RASSF3: variants seen among roughly 807,000 people sequenced by gnomAD.
The protein encoded by RASSF3 is ras association domain-containing protein 3.
RASSF3 carries 19 observed loss-of-function variants against 19.9 expected under a neutral mutation model. The observed-to-expected ratio is 0.96, with a 90% CI of 0.67 to 1.40. RASSF3 has a LOEUF of 1.40. RASSF3 is among the 40% of genes most tolerant of loss of function. RASSF3 has a pLI of 0.00. For synonymous variants in RASSF3, 110 were observed against 104.2 expected, an observed-to-expected ratio of 1.06 and a Z score of -0.34; for missense variants, 306 against 289.8, an observed-to-expected ratio of 1.06 and a Z score of -0.41.
intron 1 of RASSF3, among the ~76,000 whole-genome samples, chr12:64,651,421 T>C (rs1871948928): frequency 6.6e-6 from 1 of 152,178 alleles, no homozygotes; most frequent in African/African-American, 2.4e-5. Flanking sequence ...TGCAGTGGCT[T>C]GATACTGGCT....
chr12:64,634,170 G>A (rs1871252305), intron 1 of RASSF3, among the ~76,000 whole-genome samples: 1 of 152,098 alleles, frequency 6.6e-6, no homozygotes, highest in Non-Finnish European at 1.5e-5. Flanking sequence ...AACTAGTTGA[G>A]ATGTCTATGG....
At chr12:64,515,166 C>T (rs1328402431) in intron 1 of RASSF3, among the ~76,000 whole-genome samples, 1 of 152,104 alleles carries the variant, frequency 6.6e-6, no homozygotes, top group Non-Finnish European at 1.5e-5. Flanking sequence ...AAGCGATTCT[C>T]CTGCCTCAGC....
chr12:64,576,864 A>AC (rs1322299629), intron 2 of RASSF3, among the ~76,000 whole-genome samples: 1 of 151,796 alleles, frequency 6.6e-6, no homozygotes, highest in African/African-American at 2.4e-5. Context: ...AAAAAAAAAA[A>AC]AAAAAACTTG....
At chr12:64,693,126 C>G (rs1868308355) in intron 4 of RASSF3, among the ~76,000 whole-genome samples, 1 of 149,536 alleles carries the variant, frequency 6.7e-6, no homozygotes, top group South Asian at 2.1e-4. Context: ...AAGTTTTGCT[C>G]TCCTACTCCA....
chr12:64,573,380 T>C (rs1326951396), intron 2 of RASSF3, among the ~76,000 whole-genome samples: 1 of 152,224 alleles, frequency 6.6e-6, no homozygotes, highest in Non-Finnish European at 1.5e-5. Context: ...CAGTAGTGAT[T>C]ATTCATTAAG....
At chr12:64,692,212 A>C (rs1055919982) in intron 4 of RASSF3, among the ~76,000 whole-genome samples, 1 of 152,212 alleles carries the variant, frequency 6.6e-6, no homozygotes, top group African/African-American at 2.4e-5. Context: ...CACTTGAGCA[A>C]ATCCCAAGCT....
At chr12:64,605,458 C>G (rs943542441) in intron 2 of RASSF3, among the ~76,000 whole-genome samples, 1 of 151,962 alleles carries the variant, frequency 6.6e-6, no homozygotes, top group Non-Finnish European at 1.5e-5. Context: ...CTTTTTCTAT[C>G]TGTCTCTACT....
At chr12:64,684,098 T>TA (rs1401697414) in intron 1 of RASSF3, among the ~76,000 whole-genome samples, 3 of 150,158 alleles carry the variant, frequency 2.0e-5, no homozygotes, top group Non-Finnish European at 3.0e-5. Context: ...TTTTTTTTTT[T>TA]TTTTTTGAGA....
intron 2 of RASSF3, among the ~76,000 whole-genome samples, chr12:64,591,191 A>G (rs1177723716): frequency 6.6e-6 from 1 of 152,066 alleles, no homozygotes; most frequent in African/African-American, 2.4e-5. Flanking sequence ...ATAGAAGTCA[A>G]CCTGGCCGGG....
rs1555214865 is a variant in RASSF3 at position 64,660,003 on chromosome 12, C to CAT, written c.112-24784_112-24783insAT. On this transcript the variant is annotated intron_variant, in intron 1 of 4. Transcript: ENST00000542104. Reference sequence around the variant, plus strand: ...GTGTGTATGTATGTGTATATGTGTGCGTGTATATATATGTGTGTGTGTGTA... The same window carrying CAT: ...GTGTGTATGTATGTGTATATGTGTGCATGTGTATATATATGTGTGTGTGTGTA... Among the ~76,000 whole-genome samples, 11 of 84,298 alleles carry CAT rather than the reference C, an allele frequency of 1.3e-4. 1 individual carries two copies. In the South Asian group the frequency reaches 2.8e-3, roughly 21 times the overall value. 55.3% of individuals were successfully genotyped at this position (84,298 alleles called of 152,430 possible).
At chr12:64,529,502 C>T (rs1454497814), upstream of RASSF3, among the ~76,000 whole-genome samples, 1 of 152,188 alleles carries the variant, frequency 6.6e-6, no homozygotes. Context: ...AGCACTCTGT[C>T]TTCTAGCTGT....
chr12:64,534,837 G>C (rs1323865125), intron 1 of RASSF3, among the ~76,000 whole-genome samples: 4 of 152,180 alleles, frequency 2.6e-5, no homozygotes, highest in African/African-American at 9.7e-5. Flanking sequence ...TTGCCAGGCT[G>C]TGTGTTTGCC....
intron 2 of RASSF3, among the ~76,000 whole-genome samples, chr12:64,569,718 C>T (rs1251206327): frequency 6.6e-6 from 1 of 152,234 alleles, no homozygotes; most frequent in Non-Finnish European, 1.5e-5. Context: ...GTAATCCCAG[C>T]ACTTTGGGAG....
In RASSF3 at chr12:64,642,335, A is replaced by G. The variant is rs1376557366; in HGVS notation, c.111+31592A>G. On this transcript the variant is annotated intron_variant, in intron 1 of 4. Coordinates refer to ENST00000542104, the MANE Select transcript of RASSF3 (RefSeq NM_178169.4). The stretch of plus-strand genomic sequence containing the variant: ...AGCACTTTGGGAGGCCGAGGCAGGC[A>G]GATCACCTAAGGTCAGGAGTTCAAG... Among the ~76,000 whole-genome samples the G allele has an allele frequency of 2.0e-5, 3 of 151,990 alleles. No homozygotes were observed. The South Asian group carries it at 6.2e-4, about 32-fold the overall frequency.
chr12:64,637,423 C>CTTTTTT (rs781748041), intron 1 of RASSF3, among the ~76,000 whole-genome samples: 6 of 132,516 alleles, frequency 4.5e-5, no homozygotes, highest in African/African-American at 1.1e-4. Context: ...TAGTTTCTTT[C>CTTTTTT]TTTTTTTTTT....
intron 2 of RASSF3, among the ~76,000 whole-genome samples, chr12:64,603,182 T>C (rs1461819404): frequency 1.3e-5 from 2 of 152,094 alleles, no homozygotes; most frequent in African/African-American, 4.8e-5. Flanking sequence ...TTGTTGTTGT[T>C]GTTGTTTGTT....
chr12:64,513,310 CATG>C (rs1456912734), intron 1 of RASSF3, among the ~76,000 whole-genome samples: 3 of 151,950 alleles, frequency 2.0e-5, no homozygotes, highest in South Asian at 4.2e-4. Context: ...AGTAGCCAGT[CATG>C]GTGGTGGGCA....
chr12:64,516,942 T>C (rs60436802), intron 1 of RASSF3, among the ~76,000 whole-genome samples: 3,136 of 133,856 alleles, frequency 0.023, 118 homozygotes, highest in African/African-American at 0.084. Context: ...GAGGTTGCAG[T>C]GAGTCTAAAT....
At chr12:64,584,134 C>T (rs1221211481) in intron 2 of RASSF3, among the ~76,000 whole-genome samples, 1 of 152,196 alleles carries the variant, frequency 6.6e-6, no homozygotes. Context: ...CTGATTATAA[C>T]TTATGAGCTG....
Sources: allele counts gnomAD v4.1 joint callset (sites outside exome capture counted in the v4.1 genomes callset), GRCh38; gene constraint gnomAD v4.1.1; transcripts MANE v1.5; gene names NCBI Gene and HGNC (gene_info 2026-07-23, HGNC 2026-07-21).